CAPS2: variants seen among roughly 807,000 people sequenced by gnomAD.
CAPS2 encodes the protein calcyphosine 2.
Under a neutral mutation model 86.5 loss-of-function variants are expected in CAPS2, and 98 were observed. The observed-to-expected ratio is 1.13, with a 90% CI of 0.96 to 1.34. The LOEUF (loss-of-function observed/expected upper bound fraction) is 1.34, where lower values mean the gene tolerates loss of function less well. Among genes scored for constraint, CAPS2 ranks in the 40% most tolerant of loss-of-function variants. CAPS2 has a pLI of 0.00. For missense variants in CAPS2, 729 were observed against 686.8 expected (o/e 1.06, Z -0.69); for synonymous variants, 210 against 225.1 (o/e 0.93, Z 0.60).
At chr12:75,276,594 T>C (rs1463013649), downstream of CAPS2, 3 of 967,704 alleles carry the variant, frequency 3.1e-6, no homozygotes, top group Non-Finnish European at 3.7e-6. Flanking sequence ...TGTATGTCCT[T>C]TCCATTAAAA....
At chr12:75,354,677 C>A (rs1476614865) in intron 1 of CAPS2, among the ~76,000 whole-genome samples, 1 of 152,058 alleles carries the variant, frequency 6.6e-6, no homozygotes, top group Non-Finnish European at 1.5e-5. Flanking sequence ...GCCAAGACAT[C>A]CTAAGCAGAA....
chr12:75,277,313 T>C, exon 17 of CAPS2: 1 of 970,770 alleles, frequency 1.0e-6, no homozygotes, highest in South Asian at 4.8e-5. Flanking sequence ...AAGAACTAAA[T>C]AAAAATTATC....
At chr12:75,311,724 C>CAAAAAAAAAAAAAAAAAAAAAAAAAA (rs1188952105) in intron 7 of CAPS2, among the ~76,000 whole-genome samples, 1 of 15,686 alleles carries the variant, frequency 6.4e-5, no homozygotes, top group African/African-American at 2.3e-4. Flanking sequence ...AAAAAAAAAA[C>CAAAAAAAAAAAAAAAAAAAAAAAAAA]AAAAAAAAAA....
downstream of CAPS2, chr12:75,276,761 A>G: frequency 1.2e-6 from 1 of 863,556 alleles, no homozygotes; most frequent in Non-Finnish European, 1.4e-6. Flanking sequence ...TATATAGCAT[A>G]CAAGCAAGTA....
chr12:75,290,667 G>C (rs1452483490), intron 13 of CAPS2, among the ~76,000 whole-genome samples: 7 of 152,036 alleles, frequency 4.6e-5, no homozygotes, highest in Admixed American at 2.0e-4. Context: ...TATAATCCCA[G>C]CACTTTGTGA....
At chr12:75,319,300 G>C (rs2040078138) in intron 5 of CAPS2, among the ~76,000 whole-genome samples, 1 of 152,094 alleles carries the variant, frequency 6.6e-6, no homozygotes, top group African/African-American at 2.4e-5. Flanking sequence ...CATGGAGGTC[G>C]ATCTCTCGTG....
chr12:75,339,662 G>T (rs141996820), intron 1 of CAPS2, among the ~76,000 whole-genome samples: 1 of 152,016 alleles, frequency 6.6e-6, no homozygotes, highest in African/African-American at 2.4e-5. Context: ...ATATTTGCCC[G>T]TGCCTATGTC....
upstream of CAPS2, among the ~76,000 whole-genome samples, chr12:75,326,864 G>T (rs926103931): frequency 5.3e-5 from 8 of 152,146 alleles, no homozygotes; most frequent in African/African-American, 1.7e-4. Flanking sequence ...CAGAATCCTT[G>T]TAAGAGGGAA....
intron 15 of CAPS2, 68 bp downstream of exon 15, chr12:75,284,893 A>G: frequency 7.3e-7 from 1 of 1,375,242 alleles, no homozygotes; most frequent in Non-Finnish European, 9.8e-7. Flanking sequence ...AATTCATTAA[A>G]GTTTTAAAAT....
chr12:75,281,691 T>C (rs2033978533), intron 16 of CAPS2, among the ~76,000 whole-genome samples: 1 of 152,042 alleles, frequency 6.6e-6, no homozygotes, highest in Non-Finnish European at 1.5e-5. Context: ...AGAGGAGAGT[T>C]GTGGTAGTCA....
In CAPS2 at chr12:75,299,822, TA is replaced by T; in HGVS notation, c.854+14del. Reference sequence around the variant, plus strand: ...ATAATCATAGGATTAAAAATTTTAATAAAATCACAATTACCGTGATACGATC... The same window carrying T: ...ATAATCATAGGATTAAAAATTTTAATAAATCACAATTACCGTGATACGATC... On this transcript the variant is annotated intron_variant, in intron 9 of 16. Coordinates refer to ENST00000393284, the Ensembl canonical transcript of CAPS2. 7.3e-7 allele frequency: 1 copy of T among 1,364,664 alleles called. No individual in the cohort carries two copies. Among genetic ancestry groups the T allele is most frequent in the Non-Finnish European group, 1.0e-6 (1 of 986,382 alleles). 84.5% of individuals were successfully genotyped at this position (1,364,664 alleles called of 1,614,324 possible).
At chr12:75,313,428 T>G (rs1013888874) in intron 6 of CAPS2, among the ~76,000 whole-genome samples, 1 of 152,242 alleles carries the variant, frequency 6.6e-6, no homozygotes, top group Non-Finnish European at 1.5e-5. Flanking sequence ...TCATCAAAAG[T>G]ATAATATTTT....
chr12:75,314,371 A>G (rs927003739), intron 6 of CAPS2, among the ~76,000 whole-genome samples: 1 of 152,134 alleles, frequency 6.6e-6, no homozygotes, highest in East Asian at 1.9e-4. Flanking sequence ...TAATGTTTAA[A>G]TTATTATTAA....
intron 1 of CAPS2, among the ~76,000 whole-genome samples, chr12:75,350,754 A>C (rs567250676): frequency 6.6e-6 from 1 of 152,368 alleles, no homozygotes; most frequent in Non-Finnish European, 1.5e-5. Context: ...TCAACGCAAA[A>C]ATGCTGAAAA....
rs199714287 is a variant in CAPS2, at chr12:75,323,218, G to C, written c.136C>G (p.Pro46Ala). Residue 46 changes from proline to alanine, a missense_variant, in exon 3 of 17, where the codon CCA (proline) becomes GCA (alanine). Transcript: ENST00000393284. The stretch of plus-strand genomic sequence containing the variant: ...ACAAGGCTTCCCAAATCAAGTCGTG[G>C]GACCCTGAAAGACATAATCTATGTA... 1.4e-4 allele frequency: 209 copies of C among 1,543,662 alleles called. No homozygotes were observed. In the African/African-American group the frequency reaches 2.6e-3, roughly 19 times the overall value.
At chr12:75,342,541 C>T (rs2042188559) in intron 1 of CAPS2, among the ~76,000 whole-genome samples, 1 of 152,088 alleles carries the variant, frequency 6.6e-6, no homozygotes, top group Non-Finnish European at 1.5e-5. Flanking sequence ...TGTTCTGTTC[C>T]ATTGAGCTAT....
intron 2 of CAPS2, 35 bp downstream of exon 3, chr12:75,325,204 A>G: frequency 6.5e-7 from 1 of 1,539,118 alleles, no homozygotes; most frequent in Non-Finnish European, 8.8e-7. Context: ...ATATGTGCCC[A>G]TTAAACAGTC....
intron 6 of CAPS2, among the ~76,000 whole-genome samples, chr12:75,315,746 G>T (rs186772497): frequency 6.6e-6 from 1 of 152,190 alleles, no homozygotes; most frequent in African/African-American, 2.4e-5. Context: ...TTCTGGGGTG[G>T]TCAGTGACCT....
intron 11 of CAPS2, among the ~76,000 whole-genome samples, chr12:75,295,700 CCAT>C (rs1287176518): frequency 6.6e-6 from 1 of 152,020 alleles, no homozygotes; most frequent in African/African-American, 2.4e-5. Context: ...GGTAGTTATA[CCAT>C]CATGTCAGAG....
Sources: gnomAD v4.1 joint callset for allele counts (sites outside exome capture counted in the v4.1 genomes callset) on GRCh38, gnomAD v4.1.1 for gene constraint, MANE v1.5 for transcripts, NCBI Gene and HGNC (gene_info 2026-07-23, HGNC 2026-07-21) for gene names.